Variants in LRRTM4 observed in about 807,000 individuals in gnomAD.
LRRTM4 encodes leucine rich repeat transmembrane neuronal 4, also known as leucine-rich repeat transmembrane neuronal protein 4.
A neutral mutation model predicts 47.6 loss-of-function variants in LRRTM4; 25 were observed. The observed-to-expected ratio is 0.53, with a 90% CI of 0.38 to 0.73. The LOEUF (loss-of-function observed/expected upper bound fraction) is 0.73, where lower values mean the gene tolerates loss of function less well. Ranked by LOEUF, LRRTM4 falls within the 30% of genes least tolerant of loss-of-function variation. The probability of loss-of-function intolerance (pLI) is 0.00; values close to 1 mark genes in which losing one functional copy is unlikely to be tolerated. For synonymous variants in LRRTM4, 311 were observed against 269.5 expected, an observed-to-expected ratio of 1.15 and a Z score of -1.51; for missense variants, 638 against 713.4, an observed-to-expected ratio of 0.89 and a Z score of 1.20.
At chr2:76,939,152 T>C (rs751992939) in intron 3 of LRRTM4, among the ~76,000 whole-genome samples, 7 of 133,398 alleles carry the variant, frequency 5.2e-5, no homozygotes, top group South Asian at 2.1e-4. Context: ...AACCTGTTAC[T>C]GAAAAAAAAA....
At chr2:76,863,012 T>C (rs924856749) in intron 3 of LRRTM4, among the ~76,000 whole-genome samples, 1 of 152,216 alleles carries the variant, frequency 6.6e-6, no homozygotes, top group Non-Finnish European at 1.5e-5. Context: ...TAAAAGCATA[T>C]GTCACCACAC....
intron 3 of LRRTM4, among the ~76,000 whole-genome samples, chr2:77,120,996 A>G (rs1234828530): frequency 2.0e-5 from 3 of 151,966 alleles, no homozygotes; most frequent in Middle Eastern, 3.4e-3. Flanking sequence ...CAGTAGATCT[A>G]CGTATCTGTG....
At chr2:76,977,795 G>A (rs1387406220) in intron 3 of LRRTM4, among the ~76,000 whole-genome samples, 2 of 151,954 alleles carry the variant, frequency 1.3e-5, no homozygotes, top group South Asian at 2.1e-4. Context: ...AGGGAATGTA[G>A]ATTTTTCGTT....
At chr2:76,893,576 A>G (rs1673319900) in intron 3 of LRRTM4, among the ~76,000 whole-genome samples, 1 of 150,874 alleles carries the variant, frequency 6.6e-6, no homozygotes. Flanking sequence ...TAATTGTGTA[A>G]GTCTAAACTA....
chr2:77,076,582 C>T lies in LRRTM4; in HGVS notation c.1552-327666G>A, dbSNP rs183578839. On this transcript the variant is annotated intron_variant, in intron 3 of 3. Coordinates refer to ENST00000409884, the MANE Select transcript of LRRTM4 (RefSeq NM_001134745.3). ...GCATGAATATCTTGTTATGTTTCTT[C>T]GGGGAATAGTATTAATTCTTTCTGC... Among the ~76,000 whole-genome samples, 9 of 152,088 alleles carry T rather than the reference C, an allele frequency of 5.9e-5. No homozygotes were observed. In the East Asian group the frequency reaches 1.2e-3, roughly 20 times the overall value.
In LRRTM4 at chr2:77,452,747, T is replaced by C. The variant is rs1573434978; in HGVS notation, c.1551+65571A>G. 5.3e-5 allele frequency among the ~76,000 whole-genome samples: 8 copies of C among 152,322 alleles called. 1 individual carries two copies. The East Asian group carries it at 7.7e-4, about 15-fold the overall frequency. On this transcript the variant is annotated intron_variant, in intron 3 of 3. Transcript: ENST00000409884. The stretch of plus-strand genomic sequence containing the variant: ...TGTAGTTAATCCTGCTAGAGAGTCA[T>C]ACTCAAGAATAGAAAGAGAATTTTG...
At chr2:77,055,529 G>T (rs949929456) in intron 3 of LRRTM4, among the ~76,000 whole-genome samples, 1 of 152,180 alleles carries the variant, frequency 6.6e-6, no homozygotes, top group Non-Finnish European at 1.5e-5. Flanking sequence ...TCATTAAAAA[G>T]TCAGTAAACA....
intron 3 of LRRTM4, among the ~76,000 whole-genome samples, chr2:77,290,751 A>C (rs900053166): frequency 4.6e-5 from 7 of 152,144 alleles, no homozygotes; most frequent in Non-Finnish European, 5.9e-5. Context: ...TTCCTTCACA[A>C]CAGAGCCATA....
At chr2:76,865,569 T>C (rs1307829666) in intron 3 of LRRTM4, among the ~76,000 whole-genome samples, 3 of 152,208 alleles carry the variant, frequency 2.0e-5, no homozygotes, top group Non-Finnish European at 4.4e-5. Context: ...TTTGTTTTTC[T>C]AGATTTTCAC....
At chr2:77,077,072 G>A (rs1041277214) in intron 3 of LRRTM4, among the ~76,000 whole-genome samples, 1 of 152,094 alleles carries the variant, frequency 6.6e-6, no homozygotes, top group Non-Finnish European at 1.5e-5. Context: ...GATGGTGTCT[G>A]ACAAGCAAAA....
chr2:77,404,704 C>T (rs1674112145), intron 3 of LRRTM4, among the ~76,000 whole-genome samples: 1 of 151,974 alleles, frequency 6.6e-6, no homozygotes, highest in Non-Finnish European at 1.5e-5. Flanking sequence ...AAGTTTCTTT[C>T]AATATCATCA....
intron 3 of LRRTM4, among the ~76,000 whole-genome samples, chr2:76,802,767 CATAGGAT>C (rs1675767805): frequency 6.6e-6 from 1 of 152,012 alleles, no homozygotes; most frequent in Non-Finnish European, 1.5e-5. Flanking sequence ...AAAACAGACA[CATAGGAT>C]AGAGAACTCA....
At chr2:77,351,614 T>TTATATATATA (rs71656252) in intron 3 of LRRTM4, among the ~76,000 whole-genome samples, 1,480 of 135,316 alleles carry the variant, frequency 0.011, 36 homozygotes, top group African/African-American at 0.038. Context: ...CATGACAAAT[T>TTATATATATA]TATATATATA....
At chr2:77,382,244 A>T (rs140054703) in intron 3 of LRRTM4, among the ~76,000 whole-genome samples, 2 of 152,238 alleles carry the variant, frequency 1.3e-5, no homozygotes, top group African/African-American at 4.8e-5. Context: ...TTGTTCTCTC[A>T]GCAAATATAT....
chr2:77,174,923 G>A (rs1316688247), intron 3 of LRRTM4, among the ~76,000 whole-genome samples: 1 of 151,972 alleles, frequency 6.6e-6, no homozygotes, highest in African/African-American at 2.4e-5. Flanking sequence ...TTTGTGCCCG[G>A]AGCTTCTTTT....
chr2:77,417,753 G>A (rs1181653728), intron 3 of LRRTM4, among the ~76,000 whole-genome samples: 2 of 150,662 alleles, frequency 1.3e-5, no homozygotes, highest in East Asian at 3.9e-4. Context: ...TCACACACTG[G>A]GGCCTGTTGT....
At chr2:76,963,927 A>G (rs1232348564) in intron 3 of LRRTM4, among the ~76,000 whole-genome samples, 2 of 150,778 alleles carry the variant, frequency 1.3e-5, no homozygotes, top group Non-Finnish European at 3.0e-5. Context: ...ATATTACACA[A>G]AACATGTCAT....
intron 3 of LRRTM4, among the ~76,000 whole-genome samples, chr2:76,819,975 C>G (rs1671007863): frequency 6.6e-6 from 1 of 151,960 alleles, no homozygotes; most frequent in Non-Finnish European, 1.5e-5. Context: ...ATCATAGCAA[C>G]AATGGCAGCT....
chr2:77,252,363 C>CT (rs1203945733), intron 3 of LRRTM4, among the ~76,000 whole-genome samples: 1 of 152,038 alleles, frequency 6.6e-6, no homozygotes, highest in African/African-American at 2.4e-5. Context: ...TTTAGTTTGT[C>CT]TTTTTTCTAA....
Sources: allele counts gnomAD v4.1 joint callset (sites outside exome capture counted in the v4.1 genomes callset), GRCh38; gene constraint gnomAD v4.1.1; transcripts MANE v1.5; gene names NCBI Gene and HGNC (gene_info 2026-07-23, HGNC 2026-07-21).